The following TSEN2 variants were observed in gnomAD, a reference collection of about 807,000 sequenced individuals.
TSEN2 encodes the protein tRNA-splicing endonuclease subunit Sen2.
Under a neutral mutation model 59.2 loss-of-function variants are expected in TSEN2, and 54 were observed. The observed-to-expected ratio is 0.91, with a 90% CI of 0.73 to 1.14. The LOEUF (loss-of-function observed/expected upper bound fraction) is 1.14, where lower values mean the gene tolerates loss of function less well. TSEN2 is among the 50% of genes most tolerant of loss of function. The probability of loss-of-function intolerance (pLI) is 0.00; values close to 1 mark genes in which losing one functional copy is unlikely to be tolerated. For synonymous variants in TSEN2, 195 were observed against 198.2 expected (o/e 0.98, Z 0.14); for missense variants, 636 against 576.2 (o/e 1.10, Z -1.06).
At chr3:12,508,576 G>A (rs2055083962) in intron 6 of TSEN2, among the ~76,000 whole-genome samples, 1 of 152,146 alleles carries the variant, frequency 6.6e-6, no homozygotes, top group Non-Finnish European at 1.5e-5. Context: ...GTGATACACA[G>A]CTAACTTAGA....
intron 4 of TSEN2, among the ~76,000 whole-genome samples, chr3:12,502,517 C>T (rs985863487): frequency 6.6e-6 from 1 of 151,592 alleles, no homozygotes; most frequent in Non-Finnish European, 1.5e-5. Context: ...GCCTGGGTGA[C>T]AGAGCAAGAC....
intron 8 of TSEN2, among the ~76,000 whole-genome samples, chr3:12,527,427 T>C (rs892194235): frequency 2.6e-4 from 39 of 152,126 alleles, no homozygotes; most frequent in Middle Eastern, 3.4e-3. Context: ...GAAACAAAAC[T>C]TTTCCTTGAA....
chr3:12,517,301 T>C (rs2125146838), intron 7 of TSEN2, among the ~76,000 whole-genome samples: 1 of 139,850 alleles, frequency 7.2e-6, no homozygotes, highest in South Asian at 2.2e-4. Context: ...GAGGTTGCAA[T>C]GAGCCGAGAT....
chr3:12,497,599 AG>A (rs1032033757), intron 4 of TSEN2, among the ~76,000 whole-genome samples: 3 of 152,208 alleles, frequency 2.0e-5, no homozygotes, highest in Non-Finnish European at 4.4e-5. Context: ...GCAGAAACCT[AG>A]GGATCAGAAA....
intron 4 of TSEN2, among the ~76,000 whole-genome samples, chr3:12,500,324 G>A (rs1252098192): frequency 6.6e-6 from 1 of 152,170 alleles, no homozygotes. Flanking sequence ...CATCATATCT[G>A]ACTTGGAGGC....
At chr3:12,517,120 G>T (rs998877826) in intron 7 of TSEN2, among the ~76,000 whole-genome samples, 1 of 152,040 alleles carries the variant, frequency 6.6e-6, no homozygotes. Flanking sequence ...GGCCGAGGCG[G>T]GCAGATCACA....
At chr3:12,536,633 A>G (rs894561398), downstream of TSEN2, among the ~76,000 whole-genome samples, 46 of 152,172 alleles carry the variant, frequency 3.0e-4, 1 homozygote, top group Admixed American at 7.9e-4. Context: ...CAACATTGCC[A>G]TCTGTTGGTG....
At chr3:12,507,688 G>T (rs976670098) in intron 6 of TSEN2, among the ~76,000 whole-genome samples, 7 of 152,158 alleles carry the variant, frequency 4.6e-5, no homozygotes, top group Non-Finnish European at 1.0e-4. Flanking sequence ...CTTAAAGATA[G>T]CCCAGAAATC....
At chr3:12,513,285 G>T (rs953614193) in intron 6 of TSEN2, among the ~76,000 whole-genome samples, 4 of 152,134 alleles carry the variant, frequency 2.6e-5, no homozygotes, top group Admixed American at 2.0e-4. Flanking sequence ...GGCAAGGATG[G>T]GATTGAACCT....
intron 10 of TSEN2, chr3:12,530,818 G>A (rs993661179): frequency 7.3e-6 from 7 of 952,724 alleles, no homozygotes; most frequent in African/African-American, 3.5e-5. Context: ...CTTTAATGTC[G>A]TATAACAAAA....
At chr3:12,521,795 A>G (rs920147975) in intron 8 of TSEN2, among the ~76,000 whole-genome samples, 7 of 152,182 alleles carry the variant, frequency 4.6e-5, no homozygotes, top group Admixed American at 2.0e-4. Context: ...GCTGATCATG[A>G]GGTCAGGAGA....
downstream of TSEN2, among the ~76,000 whole-genome samples, chr3:12,537,329 G>C (rs532342516): frequency 1.3e-5 from 2 of 151,742 alleles, no homozygotes; most frequent in Non-Finnish European, 2.9e-5. Context: ...AGCCCAGGAG[G>C]TTGAGGCTGC....
At chr3:12,484,451 A>G (rs937020349), upstream of TSEN2, 1 of 152,238 alleles carries the variant, frequency 6.6e-6, no homozygotes, top group Admixed American at 6.5e-5. Context: ...GCACTGCTTG[A>G]CGGCAGCGGT....
Position 12,503,363 on chromosome 3 carries a change from A to G in TSEN2, c.410A>G (p.Glu137Gly), listed in dbSNP as rs1188366026. Residue 137 changes from glutamate (E) to glycine (G), a missense_variant, in exon 5 of 12, where the codon GAG becomes GGG. Physicochemically the swap from Glu to Gly is moderately conservative, Grantham distance 98. Coordinates refer to ENST00000284995, the MANE Select transcript of TSEN2 (RefSeq NM_025265.4). ...CTCAAGGATTACACGAAACCGCTTGAGCATCCTCCTGTGAAAAGGAATGAA... is the reference window on the plus strand; with the variant it reads ...CTCAAGGATTACACGAAACCGCTTGGGCATCCTCCTGTGAAAAGGAATGAA... ...RILKDYTKPL[E>G]HPPVKRNEEA... is the part of the protein sequence containing the mutation. The G allele has an allele frequency of 4.3e-6, 7 of 1,614,230 alleles. No individual in the cohort carries two copies. Among genetic ancestry groups the G allele is most frequent in the Non-Finnish European group, 5.9e-6 (7 of 1,180,048 alleles).
intron 6 of TSEN2, chr3:12,505,480 T>C: frequency 2.2e-6 from 1 of 453,676 alleles, no homozygotes; most frequent in South Asian, 2.4e-5. Context: ...TGAGTACTTC[T>C]TTTCTCATTA....
chr3:12,490,028 A>G (rs1489035050), intron 2 of TSEN2, 39 bp downstream of exon 2: 2 of 1,593,914 alleles, frequency 1.3e-6, no homozygotes, highest in Non-Finnish European at 8.6e-7. Flanking sequence ...CTTTCAGACA[A>G]CCCTGAGCAA....
intron 6 of TSEN2, among the ~76,000 whole-genome samples, chr3:12,512,518 G>C (rs2055582126): frequency 6.6e-6 from 1 of 152,190 alleles, no homozygotes; most frequent in Non-Finnish European, 1.5e-5. Flanking sequence ...TACATACTCT[G>C]TCTCTAAATT....
At chr3:12,503,207 G>GT in intron 4 of TSEN2, 55 bp from the exon 5 acceptor site, 9 of 1,610,152 alleles carry the variant, frequency 5.6e-6, no homozygotes, top group East Asian at 2.2e-5. Context: ...GTGCTTTGTT[G>GT]TTTTTTCAAT....
At chr3:12,486,516 G>T (rs976373915) in intron 1 of TSEN2, among the ~76,000 whole-genome samples, 1 of 152,120 alleles carries the variant, frequency 6.6e-6, no homozygotes, top group East Asian at 1.9e-4. Flanking sequence ...CATGGCCTGG[G>T]GAATGTCTTT....
Sources: gnomAD v4.1 joint callset for allele counts (sites outside exome capture counted in the v4.1 genomes callset) on GRCh38, gnomAD v4.1.1 for gene constraint, MANE v1.5 for transcripts, NCBI Gene and HGNC (gene_info 2026-07-23, HGNC 2026-07-21) for gene names.